The following TAF1C variants were observed in gnomAD, a reference collection of about 807,000 sequenced individuals.
The protein encoded by TAF1C is TATA-box binding protein associated factor, RNA polymerase I subunit C.
A neutral mutation model predicts 70.5 loss-of-function variants in TAF1C; 79 were observed. The observed-to-expected ratio is 1.12, with a 90% CI of 0.93 to 1.35. TAF1C has a LOEUF of 1.35. Ranked by LOEUF, TAF1C falls within the 40% of genes most tolerant of loss-of-function variation. The pLI, the probability that TAF1C is intolerant of heterozygous loss-of-function variation, is 0.00. For missense variants in TAF1C, 1,412 were observed against 1,127.8 expected (o/e 1.25, Z -3.61); for synonymous variants, 614 against 491.1 (o/e 1.25, Z -3.31).
rs2088849606 is a variant in TAF1C at position 84,178,170 on chromosome 16, A to AG, written c.*770dup. 8 of 381,796 alleles carry AG rather than the reference A, an allele frequency of 2.1e-5. No individual in the cohort carries two copies. Among genetic ancestry groups the AG allele is most frequent in the South Asian group, 1.6e-4 (8 of 48,970 alleles). 23.7% of individuals were successfully genotyped at this position (381,796 alleles called of 1,614,324 possible). Reference sequence around the variant, plus strand: ...AATGAGAAGGGGAGGGAGGAAAGAAAGGGGGGAGTCTGTGAGGCACAACAG... The same window carrying AG: ...AATGAGAAGGGGAGGGAGGAAAGAAAGGGGGGGAGTCTGTGAGGCACAACAG... On this transcript the variant is annotated 3_prime_UTR_variant, in exon 15 of 15. Coordinates refer to ENST00000566732, the MANE Select transcript of TAF1C (RefSeq NM_001243156.2).
rs1259102619 is a variant in TAF1C, at chr16:84,182,750, A to G, written c.483-310T>C. Reference sequence around the variant, plus strand: ...AGGACACTGGCTCTTTCCTTAGATCATAAGCCATCTTGCTGCTACCTAGAG... The same window carrying G: ...AGGACACTGGCTCTTTCCTTAGATCGTAAGCCATCTTGCTGCTACCTAGAG... On this transcript the variant is annotated intron_variant, in intron 6 of 14. Transcript: ENST00000566732. This position sits in a 1 kb window ranked among gnomAD's most constrained non-coding sequence, Gnocchi z 5.0. Among the ~76,000 whole-genome samples, 1 of 152,236 alleles carries G rather than the reference A, an allele frequency of 6.6e-6. No individual in the cohort carries two copies. Among genetic ancestry groups the G allele is most frequent in the Non-Finnish European group, 1.5e-5 (1 of 68,038 alleles).
intron 3 of TAF1C, 91 bp downstream of exon 3, chr16:84,183,606 C>G (rs2089326829): frequency 1.3e-6 from 2 of 1,546,318 alleles, no homozygotes; most frequent in Non-Finnish European, 1.8e-6. Context: ...CAGGCACAGG[C>G]TTAGCAGGGA....
At chr16:84,186,730 C>T (rs952250645) in intron 1 of TAF1C, among the ~76,000 whole-genome samples, 171 bp downstream of exon 1, 1 of 152,202 alleles carries the variant, frequency 6.6e-6, no homozygotes, top group Non-Finnish European at 1.5e-5. Flanking sequence ...CCCTTTAGAC[C>T]TCCAAGGCTA....
chr16:84,183,505 G>C lies in TAF1C; in HGVS notation c.223C>G (p.Pro75Ala), dbSNP rs1429333092. Reference protein sequence around the residue: ...PLPMLPPLIDPWDPGLTARDL... With the variant: ...PLPMLPPLIDAWDPGLTARDL... The stretch of plus-strand genomic sequence containing the variant: ...CGGGCAGTCAGGCCAGGGTCCCAGG[G>C]ATCTGAGAAGGAGGTTACGGAAAGG... The change falls in exon 4 of 15, where the codon CCC becomes GCC. Residue 75 changes from proline to alanine, a missense_variant and splice_region_variant. Pro to Ala is a conservative substitution (Grantham distance 27). Coordinates refer to ENST00000566732, the MANE Select transcript of TAF1C (RefSeq NM_001243156.2). 3.7e-6 allele frequency: 6 copies of C among 1,609,004 alleles called. No homozygotes were observed. The African/African-American group carries it at 6.7e-5, about 18-fold the overall frequency.
Position 84,181,395 on chromosome 16 carries a change from T to C in TAF1C, c.1097A>G (p.Asp366Gly). The C allele has an allele frequency of 6.2e-7, 1 of 1,613,796 alleles. No individual in the cohort carries two copies. The highest frequency in any genetic ancestry group is 1.6e-4 in the Middle Eastern group (1 of 6,062). ...FRDSSSWRWA[D>G]FTAHPRVLTV... ...CAGCACCCGAGGGTGCGCAGTGAAG[T>C]CTGCCCAACGCCACGAAGAGGAGTC... is the stretch of plus-strand genomic sequence containing the variant. The change falls in exon 11 of 15, where the codon GAC becomes GGC. Residue 366 changes from aspartate to glycine, a missense_variant. Physicochemically the swap from Asp to Gly is moderately conservative, Grantham distance 94. Transcript: ENST00000566732.
Position 84,180,195 on chromosome 16 carries a change from C to T in TAF1C, c.1458G>A (p.Gly486=). The change falls in exon 13 of 15, where the codon GGG becomes GGA. Residue 486 remains glycine (G), a synonymous_variant. Coordinates refer to ENST00000566732, the MANE Select transcript of TAF1C (RefSeq NM_001243156.2). The part of the protein sequence containing the change: ...VQPLLLGGQG[G]QLQLLHLAGE... ...CTGCCAGGTGCAGCAGCTGCAGCTG[C>T]CCACCCTGGCCTCCGAGGAGCAGGG... The T allele has an allele frequency of 6.5e-7, 1 of 1,542,104 alleles. No individual in the cohort carries two copies. Among genetic ancestry groups the T allele is most frequent in the Non-Finnish European group, 8.7e-7 (1 of 1,152,514 alleles).
chr16:84,178,512 CTCA>C lies in TAF1C; in HGVS notation c.*426_*428del, dbSNP rs1257748329. Reference sequence around the variant, plus strand: ...AGCTGCCAACGGCCGCTGTGCCCACCTCATCAGCAGCTCTGCAGGGGCCTCACT... The same window carrying C: ...AGCTGCCAACGGCCGCTGTGCCCACCTCAGCAGCTCTGCAGGGGCCTCACT... On this transcript the variant is annotated 3_prime_UTR_variant, in exon 15 of 15. Transcript: ENST00000566732. The C allele has an allele frequency of 6.5e-6, 3 of 461,994 alleles. No homozygotes were observed. Among genetic ancestry groups the C allele is most frequent in the Non-Finnish European group, 1.3e-5 (3 of 232,174 alleles). 28.6% of individuals were successfully genotyped at this position (461,994 alleles called of 1,614,324 possible).
chr16:84,184,878 CAG>C lies in TAF1C; in HGVS notation c.109_110del (p.Leu37AlafsTer68). On this transcript the variant is annotated frameshift_variant, in exon 2 of 15. Coordinates refer to ENST00000566732, the MANE Select transcript of TAF1C (RefSeq NM_001243156.2). LOFTEE classifies it high-confidence loss of function. ...FMCSWRDALT[L>X]PEAQPQNSEN... ...CTGAGTTCTGGGGCTGGGCCTCTGGCAGAGTCAGTGCGTCTCGCCAGCTGCAC... is the reference window on the plus strand; with the variant it reads ...CTGAGTTCTGGGGCTGGGCCTCTGGCAGTCAGTGCGTCTCGCCAGCTGCAC... 2 of 1,609,700 alleles carry C rather than the reference CAG, an allele frequency of 1.2e-6. No individual in the cohort carries two copies. Among genetic ancestry groups the C allele is most frequent in the Non-Finnish European group, 1.7e-6 (2 of 1,178,234 alleles).
rs1489566034 is a variant in TAF1C at position 84,178,484 on chromosome 16, A to T, written c.*457T>A. On this transcript the variant is annotated 3_prime_UTR_variant, in exon 15 of 15. Coordinates refer to ENST00000566732, the MANE Select transcript of TAF1C (RefSeq NM_001243156.2). ...AGAGATTGACAAAGCAACCCACAACAGCAGCTGCCAACGGCCGCTGTGCCC... is the reference window on the plus strand; with the variant it reads ...AGAGATTGACAAAGCAACCCACAACTGCAGCTGCCAACGGCCGCTGTGCCC... 3 of 460,198 alleles carry T rather than the reference A, an allele frequency of 6.5e-6. No homozygotes were observed. Among genetic ancestry groups the T allele is most frequent in the Non-Finnish European group, 8.7e-6 (2 of 230,388 alleles). 28.5% of individuals were successfully genotyped at this position (460,198 alleles called of 1,614,324 possible). A position where few individuals can be genotyped will look rare whatever the true frequency, so the allele number is the denominator to read the frequency against.
intron 14 of TAF1C, 32 bp downstream of exon 14, chr16:84,179,914 G>A (rs530659290): frequency 3.6e-5 from 57 of 1,602,534 alleles, no homozygotes; most frequent in South Asian, 9.9e-5. Flanking sequence ...TTTCCACTGC[G>A]CCCCCCAAGC....
chr16:84,181,474 C>G lies in TAF1C; in HGVS notation c.1029-11G>C. The stretch of plus-strand genomic sequence containing the variant: ...TAGATTTGCCGCAGCCTTGGGGAGA[C>G]AGGCAAGCCGTGGGCAGGGGGACAG... On this transcript the variant is annotated splice_polypyrimidine_tract_variant and intron_variant, in intron 10 of 14. Transcript: ENST00000566732. 6.2e-7 allele frequency: 1 copy of G among 1,613,626 alleles called. No homozygotes were observed. Among genetic ancestry groups the G allele is most frequent in the Non-Finnish European group, 8.5e-7 (1 of 1,179,920 alleles).
At chr16:84,185,946 T>C (rs2089458746) in intron 1 of TAF1C, among the ~76,000 whole-genome samples, 1 of 152,146 alleles carries the variant, frequency 6.6e-6, no homozygotes, top group Non-Finnish European at 1.5e-5. Flanking sequence ...AATACAGTCC[T>C]CTAGAAGTAT....
intron 12 of TAF1C, chr16:84,180,696 G>A (rs1352804910): frequency 3.4e-6 from 3 of 878,350 alleles, no homozygotes; most frequent in East Asian, 3.6e-5. Context: ...ATGTCCCCGG[G>A]AGGGCGGGTG....
In TAF1C at chr16:84,183,394, C is replaced by T; in HGVS notation, c.318+16G>A. On this transcript the variant is annotated intron_variant, in intron 4 of 14. Transcript: ENST00000566732. ...TCTCCAGGCTACGCAGCACTGTCCC[C>T]CGTGGGCCCACTCACCTGCTCAGTC... The T allele has an allele frequency of 1.2e-6, 2 of 1,613,250 alleles. No homozygotes were observed. The highest frequency in any genetic ancestry group is 2.2e-5 in the South Asian group (2 of 91,020).
At chr16:84,184,615 C>T (rs375513260) in intron 2 of TAF1C, among the ~76,000 whole-genome samples, 1 of 152,284 alleles carries the variant, frequency 6.6e-6, no homozygotes. Flanking sequence ...AGGGGTCAAC[C>T]GACTGATTCA....
chr16:84,179,019 C>G lies in TAF1C; in HGVS notation c.2454G>C (p.Arg818=), dbSNP rs1264898184. 3 of 1,610,644 alleles carry G rather than the reference C, an allele frequency of 1.9e-6. No homozygotes were observed. Among genetic ancestry groups the G allele is most frequent in the African/African-American group, 2.7e-5 (2 of 74,910 alleles). Residue 818 remains arginine (R), a synonymous_variant, in exon 15 of 15, where the codon CGG becomes CGC. Coordinates refer to ENST00000566732, the MANE Select transcript of TAF1C (RefSeq NM_001243156.2). The stretch of plus-strand genomic sequence containing the variant: ...GTGTGTGCTGCTGGGAGCGAGTGGC[C>G]CGGACGCTGGAGGCCTGGGAGTGGG... ...TPPHSQASSV[R]ATRSQQHTPV...
Position 84,182,264 on chromosome 16 carries a change from G to A in TAF1C, c.659C>T (p.Pro220Leu), listed in dbSNP as rs1334502961. The A allele has an allele frequency of 5.6e-6, 9 of 1,612,938 alleles. No individual in the cohort carries two copies. The African/African-American group carries it at 8.0e-5, about 14-fold the overall frequency. The stretch of plus-strand genomic sequence containing the variant: ...CTGCCCGAACTGGGGTGTCCTTCCA[G>A]GAACCCAGGCCAGCGCGCCCCCAGT... ...ACTGGALAWVPGRTPQFGQLV... is the reference protein window; with the variant it reads ...ACTGGALAWVLGRTPQFGQLV... Residue 220 changes from proline to leucine, a missense_variant, in exon 7 of 15, where the codon CCT becomes CTT. Coordinates refer to ENST00000566732, the MANE Select transcript of TAF1C (RefSeq NM_001243156.2). This position sits in a 1 kb window ranked among gnomAD's most constrained non-coding sequence, Gnocchi z 5.0.
chr16:84,180,210 G>A lies in TAF1C; in HGVS notation c.1443C>T (p.Leu481=), dbSNP rs373921785. ...GCTGCAGCTGCCCACCCTGGCCTCC[G>A]AGGAGCAGGGGCTGCACGCAGCTGG... is the stretch of plus-strand genomic sequence containing the variant. ...PRPSCVQPLL[L]GGQGGQLQLL... The change falls in exon 13 of 15, where the codon CTC becomes CTT. Residue 481 remains leucine (L), a synonymous_variant. Coordinates refer to ENST00000566732, the MANE Select transcript of TAF1C (RefSeq NM_001243156.2). 49 of 1,537,160 alleles carry A rather than the reference G, an allele frequency of 3.2e-5. No individual in the cohort carries two copies. The highest frequency in any genetic ancestry group is 2.5e-4 in the South Asian group (21 of 82,630).
At position 84,178,676 on chromosome 16, in the gene TAF1C, A is replaced by T. The variant is rs553066788; in HGVS notation, c.*265T>A. ...AGCCCTGCCTCCCAGCACAGACTAA[A>T]ATCCCAGCAACACAGGCCCACCGGC... On this transcript the variant is annotated 3_prime_UTR_variant, in exon 15 of 15. Coordinates refer to ENST00000566732, the MANE Select transcript of TAF1C (RefSeq NM_001243156.2). 1 of 528,102 alleles carries T rather than the reference A, an allele frequency of 1.9e-6. No homozygotes were observed. The highest frequency in any genetic ancestry group is 2.1e-5 in the South Asian group (1 of 47,202). The allele number at this position is 528,102 out of a possible 1,614,324, so 32.7% of individuals were successfully genotyped here.
Sources: allele counts gnomAD v4.1 joint callset (sites outside exome capture counted in the v4.1 genomes callset), GRCh38; gene constraint gnomAD v4.1.1; non-coding constraint Gnocchi (gnomAD v3.1); transcripts MANE v1.5; gene names NCBI Gene and HGNC (gene_info 2026-07-23, HGNC 2026-07-21).